The following NXPH1 variants were observed in gnomAD, a reference collection of about 807,000 sequenced individuals.
NXPH1 encodes neurexophilin-1.
In NXPH1, 5 loss-of-function variants were observed where a neutral mutation model predicts 23.7. The observed-to-expected ratio is 0.21, with a 90% CI of 0.11 to 0.44. The LOEUF is 0.44. Ranked by LOEUF, NXPH1 falls within the 20% of genes least tolerant of loss-of-function variation. The probability of loss-of-function intolerance (pLI) is 0.99; values close to 1 mark genes in which losing one functional copy is unlikely to be tolerated. For synonymous variants in NXPH1, 144 were observed against 122.2 expected (o/e 1.18, Z -1.18); for missense variants, 324 against 321.6 (o/e 1.01, Z -0.06).
At chr7:8,515,183 C>T (rs528077648) in intron 2 of NXPH1, among the ~76,000 whole-genome samples, 15 of 152,066 alleles carry the variant, frequency 9.9e-5, no homozygotes, top group Middle Eastern at 3.4e-3. Context: ...AAATGTTTCC[C>T]ATGGGGGATG....
chr7:8,471,780 A>T (rs1276434034), intron 2 of NXPH1, among the ~76,000 whole-genome samples: 3 of 152,118 alleles, frequency 2.0e-5, no homozygotes, highest in African/African-American at 7.2e-5. Flanking sequence ...CTCATTTTTA[A>T]CATGTTTCAC....
intron 2 of NXPH1, among the ~76,000 whole-genome samples, chr7:8,641,518 TC>T (rs1820311799): frequency 6.6e-6 from 1 of 152,138 alleles, no homozygotes; most frequent in African/African-American, 2.4e-5. Flanking sequence ...ACTACTCCAC[TC>T]CAATTCCCAC....
intron 2 of NXPH1, among the ~76,000 whole-genome samples, chr7:8,681,262 C>T (rs922778130): frequency 5.9e-5 from 9 of 152,104 alleles, no homozygotes; most frequent in East Asian, 1.9e-4. Context: ...CATATATAAG[C>T]GTTTATCTTC....
chr7:8,719,631 A>G (rs2115205337), intron 2 of NXPH1, among the ~76,000 whole-genome samples: 2 of 152,290 alleles, frequency 1.3e-5, no homozygotes, highest in Middle Eastern at 6.8e-3. Context: ...GAAAGTCACC[A>G]TTTAGGCAGT....
chr7:8,596,977 G>A (rs550867899), intron 2 of NXPH1, among the ~76,000 whole-genome samples: 2 of 152,132 alleles, frequency 1.3e-5, no homozygotes, highest in African/African-American at 2.4e-5. Flanking sequence ...GAATAATCTT[G>A]GTATGGGAAG....
intron 2 of NXPH1, among the ~76,000 whole-genome samples, chr7:8,515,824 CT>C (rs1485032884): frequency 1.3e-5 from 2 of 152,260 alleles, no homozygotes; most frequent in East Asian, 3.9e-4. Context: ...CATCAGCCCT[CT>C]GAGCCAAAGC....
chr7:8,589,706 T>C (rs556781928), intron 2 of NXPH1, among the ~76,000 whole-genome samples: 1 of 151,988 alleles, frequency 6.6e-6, no homozygotes, highest in African/African-American at 2.4e-5. Flanking sequence ...AAATATGAAG[T>C]TGGGGCTGAA....
chr7:8,688,724 C>T (rs1479505524), intron 2 of NXPH1, among the ~76,000 whole-genome samples: 1 of 152,170 alleles, frequency 6.6e-6, no homozygotes, highest in African/African-American at 2.4e-5. Flanking sequence ...AACTCCTGCT[C>T]TCATTTATCT....
In NXPH1 at chr7:8,585,102, T is replaced by C. The variant is rs571887619; in HGVS notation, c.54+149335T>C. On this transcript the variant is annotated intron_variant, in intron 2 of 2. Coordinates refer to ENST00000405863, the MANE Select transcript of NXPH1 (RefSeq NM_152745.3). ...ACCTAATATTTTTACTGCTCTCTTT[T>C]CATTGGGAAATATCAGTAATTTGGG... 1.4e-4 allele frequency among the ~76,000 whole-genome samples: 21 copies of C among 152,338 alleles called. No homozygotes were observed. In the South Asian group the frequency reaches 2.7e-3, roughly 20 times the overall value.
At chr7:8,658,466 C>G (rs1583217779) in intron 2 of NXPH1, among the ~76,000 whole-genome samples, 1 of 152,206 alleles carries the variant, frequency 6.6e-6, no homozygotes, top group Admixed American at 6.5e-5. Flanking sequence ...ATACAATATG[C>G]AGTACCAGGC....
intron 2 of NXPH1, among the ~76,000 whole-genome samples, chr7:8,701,850 A>T (rs1176281982): frequency 6.6e-6 from 1 of 152,086 alleles, no homozygotes; most frequent in Non-Finnish European, 1.5e-5. Flanking sequence ...CAAGTCTATT[A>T]TTCTATATGG....
intron 2 of NXPH1, among the ~76,000 whole-genome samples, chr7:8,648,191 A>T (rs986155792): frequency 7.2e-5 from 11 of 152,164 alleles, no homozygotes; most frequent in African/African-American, 2.7e-4. Flanking sequence ...TAAGTTATTT[A>T]AAAATGTCCA....
chr7:8,597,395 G>C (rs1196627916), intron 2 of NXPH1, among the ~76,000 whole-genome samples: 1 of 152,074 alleles, frequency 6.6e-6, no homozygotes, highest in African/African-American at 2.4e-5. Flanking sequence ...TGGGCAAGTG[G>C]GTGGATGGTA....
chr7:8,448,102 G>A lies in NXPH1; in HGVS notation c.54+12335G>A, dbSNP rs1402304884. The stretch of plus-strand genomic sequence containing the variant: ...AAAGACTGGCTAGGAGAAAAGAGAA[G>A]GTAATGGCAAAGTATTTCCTTAATT... On this transcript the variant is annotated intron_variant, in intron 2 of 2. Coordinates refer to ENST00000405863, the MANE Select transcript of NXPH1 (RefSeq NM_152745.3). 5.9e-5 allele frequency among the ~76,000 whole-genome samples: 9 copies of A among 152,184 alleles called. 1 individual carries two copies. The highest frequency in any genetic ancestry group is 3.3e-4 in the Admixed American group (5 of 15,274).
chr7:8,652,704 C>G (rs916141149), intron 2 of NXPH1, among the ~76,000 whole-genome samples: 3 of 151,996 alleles, frequency 2.0e-5, no homozygotes, highest in African/African-American at 7.2e-5. Flanking sequence ...TTTCTTTAAC[C>G]GAGGTATTTT....
chr7:8,576,766 T>A (rs1257059491), intron 2 of NXPH1, among the ~76,000 whole-genome samples: 2 of 152,146 alleles, frequency 1.3e-5, no homozygotes, highest in East Asian at 3.9e-4. Flanking sequence ...TTTGACTTGT[T>A]CCTTGTACTG....
At chr7:8,642,665 A>G (rs1163304823) in intron 2 of NXPH1, among the ~76,000 whole-genome samples, 6 of 152,194 alleles carry the variant, frequency 3.9e-5, no homozygotes, top group Non-Finnish European at 7.3e-5. Context: ...AATATCATCA[A>G]TAAATAATGA....
chr7:8,474,437 A>G (rs1417041296), intron 2 of NXPH1, among the ~76,000 whole-genome samples: 2 of 152,164 alleles, frequency 1.3e-5, no homozygotes, highest in African/African-American at 4.8e-5. Context: ...CCACAATATC[A>G]TCATGCATAA....
At chr7:8,489,189 G>T (rs1372800516) in intron 2 of NXPH1, among the ~76,000 whole-genome samples, 4 of 152,084 alleles carry the variant, frequency 2.6e-5, no homozygotes, top group African/African-American at 9.7e-5. Flanking sequence ...ACGTGCTGGG[G>T]AAGATTCGGC....
Sources: gnomAD v4.1 joint callset for allele counts (sites outside exome capture counted in the v4.1 genomes callset) on GRCh38, gnomAD v4.1.1 for gene constraint, MANE v1.5 for transcripts, NCBI Gene and HGNC (gene_info 2026-07-23, HGNC 2026-07-21) for gene names.